Variants in FAM107B observed in about 807,000 individuals in gnomAD.
The protein encoded by FAM107B is protein FAM107B.
FAM107B carries 21 observed loss-of-function variants against 31.5 expected under a neutral mutation model. That is an observed-to-expected ratio of 0.67 (90% CI 0.47 to 0.96). The LOEUF (loss-of-function observed/expected upper bound fraction) is 0.96. Among genes scored for constraint, FAM107B ranks in the 40% least tolerant of loss-of-function variants. The pLI, the probability that FAM107B is intolerant of heterozygous loss-of-function variation, is 0.00. For synonymous variants in FAM107B, 157 were observed against 141.5 expected (o/e 1.11, Z -0.78); for missense variants, 452 against 377.1 (o/e 1.20, Z -1.64).
At chr10:14,682,584 C>A (rs1854863983) in intron 1 of FAM107B, among the ~76,000 whole-genome samples, 2 of 152,086 alleles carry the variant, frequency 1.3e-5, no homozygotes, top group African/African-American at 4.8e-5. Flanking sequence ...AGCTCATGTC[C>A]TTTGCAGGGA....
In FAM107B at chr10:14,774,643, T is replaced by C. The variant is rs1301751082; in HGVS notation, c.21A>G (p.Arg7=). 1 of 1,613,382 alleles carries C rather than the reference T, an allele frequency of 6.2e-7. No individual in the cohort carries two copies. The highest frequency in any genetic ancestry group is 8.5e-7 in the Non-Finnish European group (1 of 1,179,636). ...AGGGAGACTTCAGTCTTTTGGTGAG[T>C]CTTGCTTTCCACGTGGACATGACTT... MSTWKA[R]LTKRLKSPSR... The change falls in exon 1 of 5, where the codon AGA becomes AGG. Residue 7 remains arginine, a synonymous_variant. Transcript: ENST00000181796.
At chr10:14,610,664 A>G (rs1010386081) in intron 2 of FAM107B, among the ~76,000 whole-genome samples, 2 of 152,218 alleles carry the variant, frequency 1.3e-5, no homozygotes, top group African/African-American at 4.8e-5. Flanking sequence ...ACCAGATGAT[A>G]AGCTGTTTCA....
At chr10:14,658,091 CGTAAT>C (rs1489811676) in intron 2 of FAM107B, among the ~76,000 whole-genome samples, 1 of 152,110 alleles carries the variant, frequency 6.6e-6, no homozygotes, top group Non-Finnish European at 1.5e-5. Flanking sequence ...GGATTACAGG[CGTAAT>C]TAGCACCTGG....
intron 2 of FAM107B, among the ~76,000 whole-genome samples, chr10:14,652,525 T>A (rs1451314000): frequency 6.6e-6 from 1 of 152,210 alleles, no homozygotes; most frequent in Non-Finnish European, 1.5e-5. Flanking sequence ...TTTTAAAGCT[T>A]GAGTTTTCTT....
rs199498591 is a variant in FAM107B at position 14,621,091 on chromosome 10, T to C, written c.469+46543A>G. 3.9e-5 allele frequency among the ~76,000 whole-genome samples: 6 copies of C among 152,320 alleles called. No homozygotes were observed. The East Asian group carries it at 5.8e-4, about 15-fold the overall frequency. On this transcript the variant is annotated intron_variant, in intron 2 of 4. Coordinates refer to ENST00000181796, the MANE Select transcript of FAM107B (RefSeq NM_031453.4). ...TTATATTTCTTAGTCATTTTTTAAA[T>C]AGTTCTTTGGGATTTTTAATGTAGA...
At chr10:14,706,705 G>A (rs111613913) in intron 1 of FAM107B, among the ~76,000 whole-genome samples, 12 of 152,152 alleles carry the variant, frequency 7.9e-5, no homozygotes, top group Admixed American at 2.6e-4. Flanking sequence ...TCTTCAAAGA[G>A]TGAGCAGCTT....
rs1198066128 is a variant in FAM107B, at chr10:14,759,092, G to A, written c.411+15161C>T. Among the ~76,000 whole-genome samples, 10 of 151,346 alleles carry A rather than the reference G, an allele frequency of 6.6e-5. No homozygotes were observed. In the East Asian group the frequency reaches 1.8e-3, roughly 27 times the overall value. ...ACTCAAGAGGCTGAGGCAGGAAATC[G>A]CTTGAACCCAGGAGGTGGAGGTTGC... On this transcript the variant is annotated intron_variant, in intron 1 of 4. Coordinates refer to ENST00000181796, the MANE Select transcript of FAM107B (RefSeq NM_031453.4).
chr10:14,543,321 C>T (rs941811167), intron 2 of FAM107B, among the ~76,000 whole-genome samples: 4 of 152,044 alleles, frequency 2.6e-5, no homozygotes, highest in African/African-American at 9.7e-5. Context: ...AAGAAGAAAA[C>T]TAGTACGTAA....
At chr10:14,527,161 C>A (rs1304343364) in intron 3 of FAM107B, among the ~76,000 whole-genome samples, 1 of 151,266 alleles carries the variant, frequency 6.6e-6, no homozygotes, top group Non-Finnish European at 1.5e-5. Flanking sequence ...TTTTAAAGAT[C>A]CCTTCAATAG....
rs191802635 is a variant in FAM107B at position 14,657,866 on chromosome 10, A to G, written c.469+9768T>C. ...CACTCTGTCGCCCAGTCTGGAGTGC[A>G]GTGGCGCGATCCCAGCTCACTGCAG... On this transcript the variant is annotated intron_variant, in intron 2 of 4. Coordinates refer to ENST00000181796, the MANE Select transcript of FAM107B (RefSeq NM_031453.4). Among the ~76,000 whole-genome samples, 19 of 151,398 alleles carry G rather than the reference A, an allele frequency of 1.3e-4. No individual in the cohort carries two copies. In the East Asian group the frequency reaches 3.7e-3, roughly 29 times the overall value.
chr10:14,651,429 G>A (rs1382971345), intron 2 of FAM107B, among the ~76,000 whole-genome samples: 1 of 152,046 alleles, frequency 6.6e-6, no homozygotes, highest in African/African-American at 2.4e-5. Context: ...AACATGGAGA[G>A]ACCCCGTCAC....
intron 1 of FAM107B, among the ~76,000 whole-genome samples, chr10:14,714,077 G>A (rs1486216668): frequency 6.6e-6 from 1 of 152,118 alleles, no homozygotes; most frequent in African/African-American, 2.4e-5. Flanking sequence ...TGCCTATCGG[G>A]TACTAGACTT....
chr10:14,734,004 A>C (rs1856234866), intron 1 of FAM107B, among the ~76,000 whole-genome samples: 1 of 152,222 alleles, frequency 6.6e-6, no homozygotes, highest in East Asian at 1.9e-4. Context: ...TCAACTCTTG[A>C]GCCACTGAAT....
intron 2 of FAM107B, among the ~76,000 whole-genome samples, chr10:14,626,526 C>T (rs1853168548): frequency 9.4e-6 from 1 of 106,198 alleles, no homozygotes; most frequent in East Asian, 2.7e-4. Flanking sequence ...TTTTTTGAGA[C>T]AGAGTCTCGC....
intron 1 of FAM107B, among the ~76,000 whole-genome samples, chr10:14,687,896 C>T (rs1358854400): frequency 6.6e-6 from 1 of 152,120 alleles, no homozygotes; most frequent in East Asian, 1.9e-4. Context: ...CACAAATGCG[C>T]TGTGATGGTA....
chr10:14,671,902 AAC>A lies in FAM107B; in HGVS notation c.412-4213_412-4212del, dbSNP rs1564621069. 8.8e-5 allele frequency among the ~76,000 whole-genome samples: 13 copies of A among 148,310 alleles called. 2 individuals are homozygous for A. The East Asian group carries it at 1.4e-3, about 15-fold the overall frequency. On this transcript the variant is annotated intron_variant, in intron 1 of 4. Transcript: ENST00000181796. Reference sequence around the variant, plus strand: ...AAAAAAAACAAAAAAACAAAAAAAAAACCCTCTATTTCTTTTTAAATCAAACT... The same window carrying A: ...AAAAAAAACAAAAAAACAAAAAAAAACCTCTATTTCTTTTTAAATCAAACT...
chr10:14,572,447 C>T, intron 2 of FAM107B: 2 of 976,022 alleles, frequency 2.0e-6, no homozygotes, highest in Non-Finnish European at 2.4e-6. Flanking sequence ...ATCACCACAA[C>T]ACCTACAGCA....
At chr10:14,740,107 A>G (rs1390345477) in intron 1 of FAM107B, among the ~76,000 whole-genome samples, 1 of 152,210 alleles carries the variant, frequency 6.6e-6, no homozygotes, top group Admixed American at 6.5e-5. Flanking sequence ...TCCAGAAATC[A>G]TGGTCCTTGA....
At chr10:14,679,255 G>A (rs905384192) in intron 1 of FAM107B, among the ~76,000 whole-genome samples, 5 of 152,002 alleles carry the variant, frequency 3.3e-5, no homozygotes, top group South Asian at 2.1e-4. Context: ...CCAGCCTCCC[G>A]AATATGTGGG....
Sources: gnomAD v4.1 joint callset for allele counts (sites outside exome capture counted in the v4.1 genomes callset) on GRCh38, gnomAD v4.1.1 for gene constraint, MANE v1.5 for transcripts, NCBI Gene and HGNC (gene_info 2026-07-23, HGNC 2026-07-21) for gene names.